SPIDR: variants seen among roughly 807,000 people sequenced by gnomAD.
SPIDR encodes DNA repair-scaffolding protein.
SPIDR carries 93 observed loss-of-function variants against 104.6 expected under a neutral mutation model. The ratio of observed to expected loss-of-function variants is 0.89; its 90% CI spans 0.75 to 1.06. SPIDR has a LOEUF of 1.06. Among genes scored for constraint, SPIDR ranks in the 50% least tolerant of loss-of-function variants. The pLI, the probability that SPIDR is intolerant of heterozygous loss-of-function variation, is 0.00. For missense variants in SPIDR, 1,154 were observed against 1,111.2 expected (o/e 1.04, Z -0.55); for synonymous variants, 431 against 416.9 (o/e 1.03, Z -0.41).
intron 5 of SPIDR, among the ~76,000 whole-genome samples, chr8:47,319,020 G>A (rs1333644847): frequency 7.9e-5 from 12 of 151,306 alleles, no homozygotes; most frequent in Non-Finnish European, 1.6e-4. Context: ...TCAAGGCTAG[G>A]AAGAAACTGC....
intron 1 of SPIDR, among the ~76,000 whole-genome samples, chr8:47,278,096 CTTTTTT>C (rs71225674): frequency 2.2e-5 from 3 of 137,242 alleles, no homozygotes; most frequent in Non-Finnish European, 4.7e-5. Flanking sequence ...TTTTCTTTCT[CTTTTTT>C]TTTTTTTTTT....
intron 5 of SPIDR, chr8:47,357,809 T>C (rs2054857734): frequency 1.0e-6 from 1 of 973,520 alleles, no homozygotes; most frequent in Admixed American, 6.2e-5. Context: ...GGAGAGGATA[T>C]AAGGAGAAAG....
chr8:47,642,450 G>T (rs904455787), intron 10 of SPIDR, among the ~76,000 whole-genome samples: 4 of 151,412 alleles, frequency 2.6e-5, no homozygotes, highest in Non-Finnish European at 5.9e-5. Flanking sequence ...AATTCGACAT[G>T]TGCTTGCTAT....
At chr8:47,424,428 C>T (rs2154336379) in intron 7 of SPIDR, among the ~76,000 whole-genome samples, 1 of 152,286 alleles carries the variant, frequency 6.6e-6, no homozygotes, top group African/African-American at 2.4e-5. Flanking sequence ...CCTCAACCTC[C>T]AGAGTGGCTG....
chr8:47,407,995 A>G, intron 7 of SPIDR, 34 bp downstream of exon 7: 1 of 1,198,020 alleles, frequency 8.3e-7, no homozygotes, highest in South Asian at 1.5e-5. Flanking sequence ...GACAATGTGT[A>G]AAAAAATATT....
rs573089864 is a variant in SPIDR, at chr8:47,539,370, C to T, written c.1098-56441C>T. Reference sequence around the variant, plus strand: ...GAAGAGACGGTGGGTATGCAGTGCCCAGAGCGAGGCCACCTCCCTTAGCCA... The same window carrying T: ...GAAGAGACGGTGGGTATGCAGTGCCTAGAGCGAGGCCACCTCCCTTAGCCA... On this transcript the variant is annotated intron_variant, in intron 8 of 19. Transcript: ENST00000297423. 1.3e-4 allele frequency among the ~76,000 whole-genome samples: 20 copies of T among 152,238 alleles called. No individual in the cohort carries two copies. The East Asian group carries it at 3.9e-3, about 29-fold the overall frequency.
chr8:47,385,112 A>G (rs2059734709), intron 5 of SPIDR, among the ~76,000 whole-genome samples: 2 of 152,316 alleles, frequency 1.3e-5, no homozygotes, highest in African/African-American at 4.8e-5. Context: ...AAAAAATTTC[A>G]ATTAGAACAG....
At chr8:47,329,726 G>A (rs2048338748) in intron 5 of SPIDR, among the ~76,000 whole-genome samples, 2 of 152,042 alleles carry the variant, frequency 1.3e-5, no homozygotes, top group Admixed American at 6.6e-5. Context: ...TTATAGAAGG[G>A]AAAAGAAAGG....
At chr8:47,726,481 A>G (rs1326118538) in intron 16 of SPIDR, among the ~76,000 whole-genome samples, 1 of 152,212 alleles carries the variant, frequency 6.6e-6, no homozygotes, top group Non-Finnish European at 1.5e-5. Context: ...TCTAGATGAT[A>G]TCTACAATGC....
chr8:47,364,505 C>T (rs2056809961), intron 5 of SPIDR, among the ~76,000 whole-genome samples: 1 of 152,186 alleles, frequency 6.6e-6, no homozygotes, highest in African/African-American at 2.4e-5. Flanking sequence ...GACGAACCTA[C>T]CCCAGAAGGA....
intron 16 of SPIDR, among the ~76,000 whole-genome samples, chr8:47,713,920 T>A (rs1391976056): frequency 6.6e-6 from 1 of 152,136 alleles, no homozygotes; most frequent in Non-Finnish European, 1.5e-5. Context: ...CAGGGAAGGC[T>A]TCCCAAAGAC....
At chr8:47,302,311 C>A (rs2042232368) in intron 5 of SPIDR, among the ~76,000 whole-genome samples, 1 of 151,868 alleles carries the variant, frequency 6.6e-6, no homozygotes, top group Admixed American at 6.5e-5. Context: ...CCTTTAAGGA[C>A]TTCTCTGCAT....
intron 10 of SPIDR, among the ~76,000 whole-genome samples, chr8:47,662,471 CT>C (rs2074275581): frequency 6.6e-6 from 1 of 152,106 alleles, no homozygotes; most frequent in South Asian, 2.1e-4. Flanking sequence ...TACTTTGCAC[CT>C]TCACTCCTTC....
chr8:47,296,942 C>T (rs1235366088), intron 5 of SPIDR, among the ~76,000 whole-genome samples: 1 of 152,260 alleles, frequency 6.6e-6, no homozygotes. Flanking sequence ...CTAGTATATA[C>T]ATCTATTGCC....
intron 8 of SPIDR, among the ~76,000 whole-genome samples, chr8:47,554,472 C>T (rs747201240): frequency 2.0e-5 from 3 of 152,328 alleles, no homozygotes; most frequent in African/African-American, 2.4e-5. Context: ...CCCCCAGCCT[C>T]GCTGTCGCCT....
At chr8:47,495,770 G>C (rs997757387) in intron 8 of SPIDR, among the ~76,000 whole-genome samples, 2 of 152,022 alleles carry the variant, frequency 1.3e-5, no homozygotes, top group Non-Finnish European at 2.9e-5. Context: ...TCCAGTTCTA[G>C]CACCATTTTT....
Position 47,358,358 on chromosome 8 carries a change from G to T in SPIDR, c.526-38018G>T, listed in dbSNP as rs2054997493. On this transcript the variant is annotated intron_variant, in intron 5 of 19. Transcript: ENST00000297423. Reference sequence around the variant, plus strand: ...CCGCCTCAGCCTCCTGAGTTGCTAGGATCACAGATGTGAGCCTCCTTGCCT... The same window carrying T: ...CCGCCTCAGCCTCCTGAGTTGCTAGTATCACAGATGTGAGCCTCCTTGCCT... Among the ~76,000 whole-genome samples the T allele has an allele frequency of 2.0e-5, 3 of 152,178 alleles. No homozygotes were observed. In the South Asian group the frequency reaches 6.2e-4, roughly 31 times the overall value.
chr8:47,391,086 G>A (rs1302181629), intron 5 of SPIDR, among the ~76,000 whole-genome samples: 7 of 152,122 alleles, frequency 4.6e-5, no homozygotes, highest in Admixed American at 1.3e-4. Context: ...GCTGGTGTCC[G>A]GTGAGCCAGT....
At chr8:47,422,198 C>T (rs534839180) in intron 7 of SPIDR, among the ~76,000 whole-genome samples, 6 of 152,316 alleles carry the variant, frequency 3.9e-5, no homozygotes, top group South Asian at 2.1e-4. Context: ...CTATGTCCTG[C>T]CCCCAGAGGT....
Sources: allele counts gnomAD v4.1 joint callset (sites outside exome capture counted in the v4.1 genomes callset), GRCh38; gene constraint gnomAD v4.1.1; transcripts MANE v1.5; gene names NCBI Gene and HGNC (gene_info 2026-07-23, HGNC 2026-07-21).